ACP4: variants seen among roughly 807,000 people sequenced by gnomAD.
The protein encoded by ACP4 is testicular acid phosphatase.
In ACP4, 49 loss-of-function variants were observed where a neutral mutation model predicts 47.3. That is an observed-to-expected ratio of 1.04 (90% confidence interval 0.82 to 1.32). ACP4 has a LOEUF of 1.32. Ranked by LOEUF, ACP4 falls within the 40% of genes most tolerant of loss-of-function variation. The pLI, the probability that ACP4 is intolerant of heterozygous loss-of-function variation, is 0.00. For synonymous variants in ACP4, 299 were observed against 265.3 expected (o/e 1.13, Z -1.23); for missense variants, 594 against 579.3 (o/e 1.03, Z -0.26).
At chr19:50,794,346 T>G in intron 8 of ACP4, 111 bp from the exon 9 acceptor site, 1 of 1,455,638 alleles carries the variant, frequency 6.9e-7, no homozygotes, top group Non-Finnish European at 9.2e-7. Context: ...AGGAGTAGCT[T>G]TGGGGGGTTG....
chr19:50,793,613 C>G, intron 6 of ACP4, 71 bp from the exon 7 acceptor site: 1 of 1,579,866 alleles, frequency 6.3e-7, no homozygotes. Flanking sequence ...GAGCAGGGGG[C>G]AGCACAGGCC....
In ACP4 at chr19:50,794,445, G is replaced by A; in HGVS notation, c.862-12G>A. The A allele has an allele frequency of 1.2e-6, 2 of 1,613,098 alleles. No individual in the cohort carries two copies. The highest frequency in any genetic ancestry group is 8.5e-7 in the Non-Finnish European group (1 of 1,179,864). ...AGAGAAGTGCCGTCTCAGCCCTCGGGTCCACCTGCAGCATGACAGCACCCT... is the reference window on the plus strand; with the variant it reads ...AGAGAAGTGCCGTCTCAGCCCTCGGATCCACCTGCAGCATGACAGCACCCT... On this transcript the variant is annotated splice_polypyrimidine_tract_variant and intron_variant, in intron 8 of 10. Coordinates refer to ENST00000270593, the MANE Select transcript of ACP4 (RefSeq NM_033068.3).
rs770352217 is a variant in ACP4 at position 50,794,942 on chromosome 19, C to T, written c.1143C>T (p.Pro381=). 4.3e-6 allele frequency: 7 copies of T among 1,613,000 alleles called. No individual in the cohort carries two copies. In the African/African-American group the frequency reaches 9.3e-5, roughly 22 times the overall value. The change falls in exon 10 of 11, where the codon CCC becomes CCT. Residue 381 remains proline (P), a synonymous_variant. Coordinates refer to ENST00000270593, the MANE Select transcript of ACP4 (RefSeq NM_033068.3). ...PPAHGVSCHG[P]YEAAIPPAPV... ...CCCATGGGGTCTCCTGCCATGGCCCCTATGAGGCTGCCATCCCCCCAGGTG... is the reference window on the plus strand; with the variant it reads ...CCCATGGGGTCTCCTGCCATGGCCCTTATGAGGCTGCCATCCCCCCAGGTG...
At chr19:50,794,421 G>A (rs754555593) in intron 8 of ACP4, 36 bp from the exon 9 acceptor site, 1 of 1,611,220 alleles carries the variant, frequency 6.2e-7, no homozygotes, top group Non-Finnish European at 8.5e-7. Context: ...GGCCTCCAGA[G>A]AGAAGTGCCG....
At position 50,791,356 on chromosome 19, in the gene ACP4, G is replaced by GC. The variant is rs537810753; in HGVS notation, c.304-297dup. Among the ~76,000 whole-genome samples the GC allele has an allele frequency of 1.4e-4, 22 of 152,102 alleles. No individual in the cohort carries two copies. The South Asian group carries it at 1.7e-3, about 12-fold the overall frequency. ...ACTCTGACTCCAAGTCCTCCAAGCTGCCCTCCTAAACTTGACCTCTAACCT... is the reference window on the plus strand; with the variant it reads ...ACTCTGACTCCAAGTCCTCCAAGCTGCCCCTCCTAAACTTGACCTCTAACCT... On this transcript the variant is annotated intron_variant, in intron 3 of 10. Coordinates refer to ENST00000270593, the MANE Select transcript of ACP4 (RefSeq NM_033068.3).
At chr19:50,793,854 T>C (rs763195869) in intron 7 of ACP4, 34 bp from the exon 8 acceptor site, 1 of 1,614,114 alleles carries the variant, frequency 6.2e-7, no homozygotes, top group Admixed American at 1.7e-5. Flanking sequence ...TGCCTTCCTC[T>C]GGGAGAGTCT....
In ACP4 at chr19:50,794,852, C is replaced by A. The variant is rs762722470; in HGVS notation, c.1053C>A (p.Pro351=). 5 of 1,613,476 alleles carry A rather than the reference C, an allele frequency of 3.1e-6. No individual in the cohort carries two copies. The Admixed American group carries it at 5.0e-5, about 16-fold the overall frequency. Residue 351 remains proline (P), a synonymous_variant, in exon 10 of 11, where the codon CCC becomes CCA. Transcript: ENST00000270593. ...ACCTGCCCCTGCCTCTCAGCCTCCC[C>A]GGGTGCCCGGCCCCCTGTCCACTAG... is the stretch of plus-strand genomic sequence containing the variant. ...SAHLPLPLSL[P]GCPAPCPLGR...
At position 50,795,033 on chromosome 19, in the gene ACP4, C is replaced by A. The variant is rs1397997243; in HGVS notation, c.1166-10C>A. 6 of 1,611,924 alleles carry A rather than the reference C, an allele frequency of 3.7e-6. No individual in the cohort carries two copies. In the Admixed American group the frequency reaches 1.0e-4, roughly 27 times the overall value. On this transcript the variant is annotated splice_polypyrimidine_tract_variant and intron_variant, in intron 10 of 10. Coordinates refer to ENST00000270593, the MANE Select transcript of ACP4 (RefSeq NM_033068.3). ...TCCTGGCACTCACCCCCCGCGTGTT[C>A]TCCCTGCAGCTCCAGTGGTGCCCCT...
rs28722127 is a variant in ACP4 at position 50,793,385 on chromosome 19, C to T, written c.646-299C>T. On this transcript the variant is annotated intron_variant, in intron 6 of 10. Transcript: ENST00000270593. The stretch of plus-strand genomic sequence containing the variant: ...AAAAAATTAGCCAGGAATGGTGGCA[C>T]ACACTTGTAATCACAGCTACTTGGG... 1,506 of 352,028 alleles carry T rather than the reference C, an allele frequency of 4.3e-3. 27 individuals carry two copies. Among genetic ancestry groups the T allele is most frequent in the African/African-American group, 0.028 (1,371 of 48,546 alleles). The allele number at this position is 352,028 out of a possible 1,614,324, so 21.8% of individuals were successfully genotyped here.
intron 6 of ACP4, chr19:50,792,783 G>A (rs2089521441): frequency 6.6e-6 from 1 of 152,594 alleles, no homozygotes; most frequent in Non-Finnish European, 1.4e-5. Context: ...CCTGGCTATA[G>A]GAATTCTCCT....
At chr19:50,794,047 C>A (rs932293123) in intron 8 of ACP4, 77 bp downstream of exon 8, 2 of 1,541,326 alleles carry the variant, frequency 1.3e-6, no homozygotes, top group Non-Finnish European at 1.8e-6. Context: ...TGAGGAAGAG[C>A]CTGTGGTCCC....
Position 50,794,557 on chromosome 19 carries a change from T to C in ACP4, c.962T>C (p.Leu321Pro). The C allele has an allele frequency of 1.2e-6, 2 of 1,614,000 alleles. No homozygotes were observed. The highest frequency in any genetic ancestry group is 1.7e-6 in the Non-Finnish European group (2 of 1,179,996). Residue 321 changes from leucine to proline, a missense_variant, in exon 9 of 11, where the codon CTG becomes CCG. Leu to Pro is a moderately conservative substitution (Grantham distance 98). Coordinates refer to ENST00000270593, the MANE Select transcript of ACP4 (RefSeq NM_033068.3). ...CTCGGCTTTGAGTTCCGGAAGCACCTGGGGAATCCCGCCAAAGATGGAGGG... is the reference window on the plus strand; with the variant it reads ...CTCGGCTTTGAGTTCCGGAAGCACCCGGGGAATCCCGCCAAAGATGGAGGG... ...ACLGFEFRKH[L>P]GNPAKDGGNV...
At position 50,795,111 on chromosome 19, in the gene ACP4, C is replaced by T. The variant is rs968430221; in HGVS notation, c.1234C>T (p.Leu412=). 4 of 1,572,856 alleles carry T rather than the reference C, an allele frequency of 2.5e-6. No homozygotes were observed. The highest frequency in any genetic ancestry group is 2.7e-5 in the African/African-American group (2 of 73,814). Residue 412 remains leucine (L), a synonymous_variant, in exon 11 of 11, where the codon CTG becomes TTG. Transcript: ENST00000270593. ...GGCACTCAGCTTGGGGCTGGGCCTG[C>T]TGGCCTGGAGACCAGGGTGCCTGCG... ...LVALSLGLGL[L]AWRPGCLRAL... is the part of the protein sequence containing the mutation.
intron 5 of ACP4, 29 bp downstream of exon 5, chr19:50,792,200 T>C (rs1426632988): frequency 6.2e-7 from 1 of 1,611,182 alleles, no homozygotes; most frequent in South Asian, 1.1e-5. Context: ...GGGGGCGGGA[T>C]GCAGGGGATG....
rs924096245 is a variant in ACP4, at chr19:50,791,533, C to G, written c.304-123C>G. On this transcript the variant is annotated intron_variant, in intron 3 of 10. Transcript: ENST00000270593. ...TGATCCCAACTTCCAACTTCGAAGG[C>G]CACATGATTCTCAGTGTCTGACCCC... 3 of 1,376,616 alleles carry G rather than the reference C, an allele frequency of 2.2e-6. No homozygotes were observed. The African/African-American group carries it at 4.3e-5, about 20-fold the overall frequency. 85.3% of individuals were successfully genotyped at this position (1,376,616 alleles called of 1,614,324 possible).
chr19:50,793,596 C>G lies in ACP4; in HGVS notation c.646-88C>G, dbSNP rs541976408. 48 of 1,543,712 alleles carry G rather than the reference C, an allele frequency of 3.1e-5. No individual in the cohort carries two copies. In the South Asian group the frequency reaches 5.5e-4, roughly 18 times the overall value. ...GATCCAGATCCGGCCCATGGGGGGACTCAGAAGAGCAGGGGGCAGCACAGG... is the reference window on the plus strand; with the variant it reads ...GATCCAGATCCGGCCCATGGGGGGAGTCAGAAGAGCAGGGGGCAGCACAGG... On this transcript the variant is annotated intron_variant, in intron 6 of 10. Transcript: ENST00000270593.
rs780626948 is a variant in ACP4, at chr19:50,794,501, T to C, written c.906T>C (p.Tyr302=). The change falls in exon 9 of 11, where the codon TAT becomes TAC. Residue 302 remains tyrosine, a synonymous_variant. Coordinates refer to ENST00000270593, the MANE Select transcript of ACP4 (RefSeq NM_033068.3). ...LLALQGALGL[Y]DGHTPPYAAC... ...CCCTCCAGGGGGCCCTGGGCCTCTA[T>C]GATGGACACACCCCGCCATATGCTG... 1 of 1,613,616 alleles carries C rather than the reference T, an allele frequency of 6.2e-7. No homozygotes were observed. Among genetic ancestry groups the C allele is most frequent in the South Asian group, 1.1e-5 (1 of 91,058 alleles).
At chr19:50,791,996 GC>G (rs2089512861) in intron 4 of ACP4, 76 bp from the exon 5 acceptor site, 1 of 1,487,908 alleles carries the variant, frequency 6.7e-7, no homozygotes, top group Non-Finnish European at 9.0e-7. Flanking sequence ...GGGGCCGAGA[GC>G]CCGGGTTCCC....
chr19:50,793,971 G>GTT lies in ACP4; in HGVS notation c.861+2_861+3insTT. 1.2e-6 allele frequency: 2 copies of GTT among 1,613,980 alleles called. No homozygotes were observed. The highest frequency in any genetic ancestry group is 1.7e-6 in the Non-Finnish European group (2 of 1,180,016). On this transcript the variant is annotated splice_donor_variant, in intron 8 of 10. Coordinates refer to ENST00000270593, the MANE Select transcript of ACP4 (RefSeq NM_033068.3). LOFTEE classifies it high-confidence loss of function. Reference sequence around the variant, plus strand: ...CCTCAAGATGGTCATGTACTCAGCTGTGAGTCCTTGGGAAGCAGTGCCACA... The same window carrying GTT: ...CCTCAAGATGGTCATGTACTCAGCTGTTTGAGTCCTTGGGAAGCAGTGCCACA...
Sources: allele counts gnomAD v4.1 joint callset (sites outside exome capture counted in the v4.1 genomes callset), GRCh38; gene constraint gnomAD v4.1.1; transcripts MANE v1.5; gene names NCBI Gene and HGNC (gene_info 2026-07-23, HGNC 2026-07-21).